TACR1: variants seen among roughly 807,000 people sequenced by gnomAD.
TACR1 encodes tachykinin receptor 1.
In TACR1, 25 loss-of-function variants were observed where a neutral mutation model predicts 35.8. The observed-to-expected ratio is 0.70, with a 90% CI of 0.51 to 0.98. TACR1 has a LOEUF of 0.98. Among genes scored for constraint, TACR1 ranks in the 50% least tolerant of loss-of-function variants. TACR1 has a pLI of 0.00. For missense variants in TACR1, 478 were observed against 522.9 expected (o/e 0.91, Z 0.84); for synonymous variants, 195 against 206.7 (o/e 0.94, Z 0.48).
chr2:75,074,094 A>G (rs1006466444), intron 2 of TACR1, among the ~76,000 whole-genome samples: 1 of 152,200 alleles, frequency 6.6e-6, no homozygotes, highest in Non-Finnish European at 1.5e-5. Flanking sequence ...ACTTATTTTT[A>G]AAAAATACTT....
intron 2 of TACR1, among the ~76,000 whole-genome samples, chr2:75,099,050 C>G (rs1182332444): frequency 6.6e-6 from 1 of 152,064 alleles, no homozygotes; most frequent in Non-Finnish European, 1.5e-5. Flanking sequence ...CTCTGAGGAG[C>G]ACATATCCTG....
intron 1 of TACR1, among the ~76,000 whole-genome samples, chr2:75,139,086 G>A (rs1490629827): frequency 6.6e-6 from 1 of 152,106 alleles, no homozygotes; most frequent in Non-Finnish European, 1.5e-5. Flanking sequence ...GTACTAAATA[G>A]TTAACATATT....
chr2:75,178,612 C>T (rs1360836394), intron 1 of TACR1, among the ~76,000 whole-genome samples: 1 of 152,126 alleles, frequency 6.6e-6, no homozygotes, highest in Non-Finnish European at 1.5e-5. Flanking sequence ...TATAACTCCA[C>T]TTCTCCCCTC....
intron 2 of TACR1, among the ~76,000 whole-genome samples, chr2:75,064,805 C>T (rs1672734407): frequency 6.6e-6 from 1 of 152,202 alleles, no homozygotes; most frequent in Non-Finnish European, 1.5e-5. Context: ...GGTAGTGGGG[C>T]TTTGAGGAAA....
Position 75,163,612 on chromosome 2 carries a change from C to T in TACR1, c.389+34934G>A, listed in dbSNP as rs184326318. On this transcript the variant is annotated intron_variant, in intron 1 of 4. Transcript: ENST00000305249. ...AATAGAAACAGTGAACTCTGAACTT[C>T]TTCCCTAATGACTTATTCTACAAAG... 5.5e-4 allele frequency among the ~76,000 whole-genome samples: 83 copies of T among 152,262 alleles called. No homozygotes were observed. The Middle Eastern group carries it at 0.01, about 19-fold the overall frequency.
At position 75,198,563 on chromosome 2, in the gene TACR1, C is replaced by T. The variant is rs1676051871; in HGVS notation, c.372G>A (p.Thr124=). 6.2e-7 allele frequency: 1 copy of T among 1,613,178 alleles called. No individual in the cohort carries two copies. Among genetic ancestry groups the T allele is most frequent in the East Asian group, 2.2e-5 (1 of 44,818 alleles). Residue 124 remains threonine (T), a synonymous_variant, in exon 1 of 5, where the codon ACG becomes ACA. Coordinates refer to ENST00000305249, the MANE Select transcript of TACR1 (RefSeq NM_001058.4). The part of the protein sequence containing the change: ...AAVFASIYSM[T]AVAFDRYMAI... ...AATCTCACCTATCAAAGGCCACAGC[C>T]GTCATGGAGTAGATACTGGCGAAGA...
intron 1 of TACR1, among the ~76,000 whole-genome samples, chr2:75,180,413 G>A (rs1366565189): frequency 6.6e-6 from 1 of 152,162 alleles, no homozygotes; most frequent in Admixed American, 6.5e-5. Context: ...AGTGTTTGCA[G>A]TTCTTGTCAC....
intron 1 of TACR1, among the ~76,000 whole-genome samples, chr2:75,155,189 G>C (rs964216062): frequency 7.9e-5 from 12 of 152,136 alleles, no homozygotes; most frequent in African/African-American, 1.2e-4. Context: ...AAGCCTTCCA[G>C]GACCCTCTCT....
intron 2 of TACR1, among the ~76,000 whole-genome samples, chr2:75,098,952 C>T (rs900347407): frequency 1.4e-4 from 22 of 151,730 alleles, no homozygotes; most frequent in African/African-American, 5.3e-4. Context: ...ATTTATTCCC[C>T]TCAGAACCAG....
intron 2 of TACR1, among the ~76,000 whole-genome samples, chr2:75,104,274 T>C (rs1198758105): frequency 6.6e-6 from 1 of 151,818 alleles, no homozygotes; most frequent in African/African-American, 2.4e-5. Flanking sequence ...TATCAGACTT[T>C]AAGTCAAAAC....
chr2:75,137,521 C>T (rs780788676), intron 1 of TACR1, among the ~76,000 whole-genome samples: 3 of 151,604 alleles, frequency 2.0e-5, no homozygotes, highest in Non-Finnish European at 4.4e-5. Flanking sequence ...GTCAGGAGAT[C>T]GAGATCATCC....
intron 2 of TACR1, among the ~76,000 whole-genome samples, chr2:75,089,766 T>C (rs1673269676): frequency 6.6e-6 from 1 of 152,124 alleles, no homozygotes; most frequent in Non-Finnish European, 1.5e-5. Context: ...ATTCTTAATG[T>C]AGACACTGGG....
At chr2:75,114,613 G>A (rs4853106) in intron 2 of TACR1, among the ~76,000 whole-genome samples, 105,282 of 152,150 alleles carry the variant, frequency 0.69, 37,113 homozygotes, top group African/African-American at 0.82. Context: ...GAAAGGGTCA[G>A]TGCATTTTGC....
intron 2 of TACR1, among the ~76,000 whole-genome samples, chr2:75,115,659 C>T (rs1673838702): frequency 6.6e-6 from 1 of 152,106 alleles, no homozygotes; most frequent in African/African-American, 2.4e-5. Flanking sequence ...GTAATCCCAG[C>T]ACTTTGGGAG....
At chr2:75,154,768 C>G (rs1253217998) in intron 1 of TACR1, among the ~76,000 whole-genome samples, 1 of 151,952 alleles carries the variant, frequency 6.6e-6, no homozygotes, top group Non-Finnish European at 1.5e-5. Context: ...TCTATCTACC[C>G]TGCATCCCTG....
intron 2 of TACR1, among the ~76,000 whole-genome samples, chr2:75,055,541 A>G (rs1672551483): frequency 6.6e-6 from 1 of 152,242 alleles, no homozygotes; most frequent in South Asian, 2.1e-4. Flanking sequence ...CTACAGGGGC[A>G]GGGAGAACTT....
chr2:75,159,679 C>A (rs1418481275), intron 1 of TACR1, among the ~76,000 whole-genome samples: 1 of 152,130 alleles, frequency 6.6e-6, no homozygotes, highest in African/African-American at 2.4e-5. Context: ...ATAATAGAGC[C>A]ATTTTGACCA....
intron 1 of TACR1, among the ~76,000 whole-genome samples, chr2:75,129,745 A>G (rs986151076): frequency 6.6e-6 from 1 of 152,150 alleles, no homozygotes; most frequent in African/African-American, 2.4e-5. Context: ...GTCACTCACA[A>G]GTATATTTAG....
chr2:75,071,429 T>A (rs369561841), intron 2 of TACR1, among the ~76,000 whole-genome samples: 1 of 152,250 alleles, frequency 6.6e-6, no homozygotes, highest in East Asian at 1.9e-4. Context: ...TGAACCAGTA[T>A]GGTCTTCCTA....
Sources: gnomAD v4.1 joint callset for allele counts (sites outside exome capture counted in the v4.1 genomes callset) on GRCh38, gnomAD v4.1.1 for gene constraint, MANE v1.5 for transcripts, NCBI Gene and HGNC (gene_info 2026-07-23, HGNC 2026-07-21) for gene names.